Variants in CLNK observed in about 807,000 individuals in gnomAD.
The protein encoded by CLNK is cytokine-dependent hematopoietic cell linker.
A neutral mutation model predicts 68.6 loss-of-function variants in CLNK; 74 were observed. The ratio of observed to expected loss-of-function variants is 1.08; its 90% CI spans 0.89 to 1.31. The LOEUF (loss-of-function observed/expected upper bound fraction) is 1.31. Among genes scored for constraint, CLNK ranks in the 50% most tolerant of loss-of-function variants. CLNK has a pLI of 0.00. For synonymous variants in CLNK, 198 were observed against 172.2 expected, an observed-to-expected ratio of 1.15 and a Z score of -1.17; for missense variants, 553 against 515.3, an observed-to-expected ratio of 1.07 and a Z score of -0.71.
chr4:10,615,116 G>A (rs913100100), intron 2 of CLNK, among the ~76,000 whole-genome samples: 1 of 152,146 alleles, frequency 6.6e-6, no homozygotes, highest in Non-Finnish European at 1.5e-5. Flanking sequence ...GACCCAGAAG[G>A]TGGAGGTCGG....
In CLNK at chr4:10,654,389, A is replaced by ATATATATATATTTATATATTTATATT. The variant is rs1391431338; in HGVS notation, c.11+13469_11+13470insAATATAAATATATAAATATATATATA. 1.1e-3 allele frequency among the ~76,000 whole-genome samples: 152 copies of ATATATATATATTTATATATTTATATT among 133,378 alleles called. 15 individuals are homozygous for ATATATATATATTTATATATTTATATT. Among genetic ancestry groups the ATATATATATATTTATATATTTATATT allele is most frequent in the East Asian group, 7.6e-3 (36 of 4,714 alleles). The allele number at this position is 133,378 out of a possible 152,430, so 87.5% of individuals were successfully genotyped here. On this transcript the variant is annotated intron_variant, in intron 2 of 18. Transcript: ENST00000226951. ...AGATAAATATATATTGATTAAATAT[A>ATATATATATATTTATATATTTATATT]TATATATATATATAGAAAGTCTCTT...
chr4:10,720,752 G>A, the CLNK span, among the ~76,000 whole-genome samples: 1 of 151,014 alleles, frequency 6.6e-6, no homozygotes, highest in East Asian at 1.9e-4. Context: ...TTGCTGATGG[G>A]AATGTAAAAT....
upstream of CLNK, among the ~76,000 whole-genome samples, chr4:10,687,991 G>T (rs1016831725): frequency 2.0e-5 from 3 of 152,192 alleles, no homozygotes; most frequent in African/African-American, 7.2e-5. Flanking sequence ...CACAGTGGCT[G>T]CCTAGATCTG....
chr4:10,535,192 T>TA (rs1013146527), intron 11 of CLNK, among the ~76,000 whole-genome samples: 3 of 66,884 alleles, frequency 4.5e-5, no homozygotes, highest in Non-Finnish European at 6.3e-5. Flanking sequence ...TGTCTCTACT[T>TA]AAAAAAAAGA....
At chr4:10,583,163 T>A (rs982226709) in intron 4 of CLNK, among the ~76,000 whole-genome samples, 2 of 152,248 alleles carry the variant, frequency 1.3e-5, no homozygotes, top group African/African-American at 4.8e-5. Context: ...ATGCATATCT[T>A]AATTAGATCA....
intron 8 of CLNK, among the ~76,000 whole-genome samples, chr4:10,551,561 C>T (rs965941597): frequency 5.3e-4 from 81 of 151,924 alleles, no homozygotes; most frequent in African/African-American, 1.9e-3. Context: ...GAGCCACCAC[C>T]CCCTCCTGTA....
intron 11 of CLNK, among the ~76,000 whole-genome samples, chr4:10,535,886 A>C (rs936606305): frequency 2.0e-5 from 3 of 152,228 alleles, no homozygotes; most frequent in Non-Finnish European, 4.4e-5. Flanking sequence ...GGATATTGTA[A>C]AAATCATAAT....
rs554406473 is a variant in CLNK at position 10,501,499 on chromosome 4, A to G, written c.985-88T>C. The G allele has an allele frequency of 3.6e-5, 47 of 1,316,372 alleles. No individual in the cohort carries two copies. In the Admixed American group the frequency reaches 6.2e-4, roughly 17 times the overall value. 81.5% of individuals were successfully genotyped at this position (1,316,372 alleles called of 1,614,324 possible). ...GGCAACAATGATGTCTGCATGCATG[A>G]GATTCCCAGATGGATTTAGTTTTTG... On this transcript the variant is annotated intron_variant, in intron 17 of 18. Coordinates refer to ENST00000226951, the MANE Select transcript of CLNK (RefSeq NM_052964.4).
At chr4:10,670,750 T>C (rs1236707818) in intron 1 of CLNK, among the ~76,000 whole-genome samples, 1 of 152,174 alleles carries the variant, frequency 6.6e-6, no homozygotes, top group African/African-American at 2.4e-5. Context: ...GTGACAAAAA[T>C]GGTTTCAAAA....
chr4:10,682,758 A>G (rs2108904621), intron 1 of CLNK, among the ~76,000 whole-genome samples: 1 of 152,280 alleles, frequency 6.6e-6, no homozygotes, highest in South Asian at 2.1e-4. Context: ...CACCTTTTAA[A>G]TGCTCTAATA....
intron 4 of CLNK, among the ~76,000 whole-genome samples, chr4:10,583,020 C>T (rs150861324): frequency 6.6e-6 from 1 of 152,294 alleles, no homozygotes; most frequent in East Asian, 1.9e-4. Flanking sequence ...ATTTTAATGG[C>T]TTCCTAGTAT....
At chr4:10,557,468 G>A (rs1175384216) in intron 8 of CLNK, among the ~76,000 whole-genome samples, 1 of 152,122 alleles carries the variant, frequency 6.6e-6, no homozygotes, top group African/African-American at 2.4e-5. Context: ...GGTGTCCCGG[G>A]ACCAGTGATC....
chr4:10,657,392 T>C (rs1220391583), intron 2 of CLNK, among the ~76,000 whole-genome samples: 1 of 152,192 alleles, frequency 6.6e-6, no homozygotes, highest in African/African-American at 2.4e-5. Flanking sequence ...AAACTGAGAA[T>C]GCATACACAT....
intron 2 of CLNK, among the ~76,000 whole-genome samples, chr4:10,612,382 C>T (rs986917185): frequency 1.3e-5 from 2 of 152,222 alleles, no homozygotes; most frequent in Non-Finnish European, 2.9e-5. Context: ...AAAGATCCCA[C>T]GTCCAAAGTG....
the CLNK span, among the ~76,000 whole-genome samples, chr4:10,733,855 C>T: frequency 2.0e-5 from 3 of 152,242 alleles, no homozygotes; most frequent in African/African-American, 7.2e-5. Context: ...AGAGAGTTGA[C>T]ATTCCTGCAT....
Position 10,645,297 on chromosome 4 carries a change from G to A in CLNK, c.11+22562C>T, listed in dbSNP as rs1577193115. ...TGATGGACAGAGGGAGACATTTCAT[G>A]TCACTGTCCCCAGAGTCTAGTCATT... is the stretch of plus-strand genomic sequence containing the variant. On this transcript the variant is annotated intron_variant, in intron 2 of 18. Transcript: ENST00000226951. 2.0e-5 allele frequency among the ~76,000 whole-genome samples: 3 copies of A among 152,288 alleles called. No individual in the cohort carries two copies. In the South Asian group the frequency reaches 6.2e-4, roughly 32 times the overall value.
intron 15 of CLNK, among the ~76,000 whole-genome samples, chr4:10,516,426 A>G (rs1717838215): frequency 6.6e-6 from 1 of 152,190 alleles, no homozygotes; most frequent in African/African-American, 2.4e-5. Context: ...AATACATGCC[A>G]TTTTCCATAA....
Position 10,619,307 on chromosome 4 carries a change from C to T in CLNK, c.12-21258G>A, listed in dbSNP as rs1326252976. Among the ~76,000 whole-genome samples, 5 of 152,168 alleles carry T rather than the reference C, an allele frequency of 3.3e-5. No individual in the cohort carries two copies. The East Asian group carries it at 9.6e-4, about 29-fold the overall frequency. On this transcript the variant is annotated intron_variant, in intron 2 of 18. Coordinates refer to ENST00000226951, the MANE Select transcript of CLNK (RefSeq NM_052964.4). ...TAATCACCGGCTAGGAAAATAAACTCACTCTGGTTTCAGGAGCTTTGTGTT... is the reference window on the plus strand; with the variant it reads ...TAATCACCGGCTAGGAAAATAAACTTACTCTGGTTTCAGGAGCTTTGTGTT...
chr4:10,669,217 T>A (rs1724530377), intron 1 of CLNK, among the ~76,000 whole-genome samples: 1 of 152,184 alleles, frequency 6.6e-6, no homozygotes. Flanking sequence ...TGAGACACAG[T>A]CCCTGCCCTT....
Sources: gnomAD v4.1 joint callset for allele counts (sites outside exome capture counted in the v4.1 genomes callset) on GRCh38, gnomAD v4.1.1 for gene constraint, MANE v1.5 for transcripts, NCBI Gene and HGNC (gene_info 2026-07-23, HGNC 2026-07-21) for gene names.